Variants in ADAMTS18 observed in about 807,000 individuals in gnomAD.
The protein encoded by ADAMTS18 is ADAM metallopeptidase with thrombospondin type 1 motif 18.
ADAMTS18 carries 157 observed loss-of-function variants against 165.9 expected under a neutral mutation model. The observed-to-expected ratio is 0.95, with a 90% CI of 0.83 to 1.08. ADAMTS18 has a LOEUF of 1.08. Among genes scored for constraint, ADAMTS18 ranks in the 50% least tolerant of loss-of-function variants. The pLI is 0.00. For synonymous variants in ADAMTS18, 782 were observed against 578.2 expected, an observed-to-expected ratio of 1.35 and a Z score of -5.06; for missense variants, 2,040 against 1,534.0, an observed-to-expected ratio of 1.33 and a Z score of -5.51.
At chr16:77,424,932 G>T (rs372864780) in intron 3 of ADAMTS18, among the ~76,000 whole-genome samples, 3 of 152,156 alleles carry the variant, frequency 2.0e-5, no homozygotes, top group Admixed American at 6.5e-5. Flanking sequence ...CTTTCTGCCC[G>T]CCATGGACGA....
At chr16:77,303,829 C>T (rs535438478) in intron 16 of ADAMTS18, among the ~76,000 whole-genome samples, 3 of 152,232 alleles carry the variant, frequency 2.0e-5, no homozygotes, top group Non-Finnish European at 2.9e-5. Flanking sequence ...GTTAGGAGAT[C>T]GAGACCATTC....
chr16:77,434,160 T>C (rs2144874167), intron 2 of ADAMTS18, among the ~76,000 whole-genome samples: 1 of 152,248 alleles, frequency 6.6e-6, no homozygotes, highest in South Asian at 2.1e-4. Flanking sequence ...TTTTTTTTTT[T>C]TTCTTGTTCT....
chr16:77,414,734 A>G (rs2057507857), intron 3 of ADAMTS18, among the ~76,000 whole-genome samples: 1 of 152,236 alleles, frequency 6.6e-6, no homozygotes, highest in Admixed American at 6.5e-5. Flanking sequence ...GATTCATTCA[A>G]ATAAACATCT....
chr16:77,426,384 C>T (rs1026066314), intron 3 of ADAMTS18, among the ~76,000 whole-genome samples: 1 of 152,036 alleles, frequency 6.6e-6, no homozygotes, highest in Non-Finnish European at 1.5e-5. Flanking sequence ...GTTAGGGAAA[C>T]TATAGGTATA....
rs768080394 is a variant in ADAMTS18, at chr16:77,341,622, C to T, written c.1710+82G>A. ...AGAATATAAACTACCAAAGCATTCACCCTAAGGTCACAATACAAACAGTTT... is the reference window on the plus strand; with the variant it reads ...AGAATATAAACTACCAAAGCATTCATCCTAAGGTCACAATACAAACAGTTT... On this transcript the variant is annotated intron_variant, in intron 11 of 22. Coordinates refer to ENST00000282849, the MANE Select transcript of ADAMTS18 (RefSeq NM_199355.4). The T allele has an allele frequency of 7.2e-4, 801 of 1,109,252 alleles. 8 individuals carry two copies. The Middle Eastern group carries it at 0.017, about 23-fold the overall frequency. The allele number at this position is 1,109,252 out of a possible 1,614,324, so 68.7% of individuals were successfully genotyped here. A position where few individuals can be genotyped will look rare whatever the true frequency, so the allele number is the denominator to read the frequency against.
Position 77,434,821 on chromosome 16 carries a change from C to T in ADAMTS18, c.-126G>A, listed in dbSNP as rs986904775. On this transcript the variant is annotated 5_prime_UTR_variant, in exon 1 of 23. Coordinates refer to ENST00000282849, the MANE Select transcript of ADAMTS18 (RefSeq NM_199355.4). ...GTGCGGCTCCAGGTGAGAGCCGCCG[C>T]CGTTCACATCGCAGCGGGGGCGCGC... The T allele has an allele frequency of 1.7e-5, 13 of 750,442 alleles. No homozygotes were observed. Among genetic ancestry groups the T allele is most frequent in the Non-Finnish European group, 2.4e-5 (13 of 541,344 alleles). The allele number at this position is 750,442 out of a possible 1,614,324, so 46.5% of individuals were successfully genotyped here.
intron 16 of ADAMTS18, among the ~76,000 whole-genome samples, chr16:77,304,499 G>A (rs1220454768): frequency 1.3e-5 from 2 of 152,260 alleles, no homozygotes; most frequent in East Asian, 3.9e-4. Flanking sequence ...TTTCTTTGAA[G>A]ATTTCTATTC....
intron 19 of ADAMTS18, 108 bp downstream of exon 19, chr16:77,294,815 A>G (rs1375334431): frequency 1.9e-5 from 21 of 1,081,648 alleles, no homozygotes; most frequent in Admixed American, 1.8e-4. Context: ...ACTCAGGGTG[A>G]TTTCCATGAA....
intron 3 of ADAMTS18, among the ~76,000 whole-genome samples, chr16:77,384,392 A>G (rs2057076245): frequency 6.6e-6 from 1 of 152,222 alleles, no homozygotes; most frequent in Admixed American, 6.5e-5. Flanking sequence ...CCTGTAACAT[A>G]AATCCCTGGC....
At chr16:77,398,769 CT>C (rs975019490) in intron 3 of ADAMTS18, among the ~76,000 whole-genome samples, 2 of 152,114 alleles carry the variant, frequency 1.3e-5, no homozygotes, top group Non-Finnish European at 2.9e-5. Context: ...TGAATACCCC[CT>C]GGGGTACAAA....
intron 3 of ADAMTS18, among the ~76,000 whole-genome samples, chr16:77,379,835 T>C (rs1214520963): frequency 6.6e-6 from 1 of 152,096 alleles, no homozygotes; most frequent in Non-Finnish European, 1.5e-5. Context: ...CCCTTCCCAG[T>C]GAACACCTGA....
chr16:77,415,443 T>G (rs756708000), intron 3 of ADAMTS18, among the ~76,000 whole-genome samples: 3 of 152,196 alleles, frequency 2.0e-5, no homozygotes, highest in Non-Finnish European at 4.4e-5. Context: ...GACCCTACTC[T>G]CAGGGGGCAA....
Position 77,415,081 on chromosome 16 carries a change from T to C in ADAMTS18, c.495+16214A>G, listed in dbSNP as rs2057512749. Among the ~76,000 whole-genome samples the C allele has an allele frequency of 2.6e-5, 4 of 152,350 alleles. No homozygotes were observed. In the South Asian group the frequency reaches 8.3e-4, roughly 32 times the overall value. On this transcript the variant is annotated intron_variant, in intron 3 of 22. Transcript: ENST00000282849. ...CCAGTAATGTATCCAAGATGCACTG[T>C]GAGGAACAAATATTGACAATGCTAG...
At chr16:77,395,178 T>G (rs1390111098) in intron 3 of ADAMTS18, among the ~76,000 whole-genome samples, 1 of 152,152 alleles carries the variant, frequency 6.6e-6, no homozygotes, top group Non-Finnish European at 1.5e-5. Context: ...TGGAAACTCT[T>G]CTTAGGTCTT....
At chr16:77,339,676 A>G (rs927854327) in intron 11 of ADAMTS18, among the ~76,000 whole-genome samples, 1 of 151,868 alleles carries the variant, frequency 6.6e-6, no homozygotes, top group Non-Finnish European at 1.5e-5. Context: ...GGACTTGAGC[A>G]CTATTTATAT....
Position 77,364,210 on chromosome 16 carries a change from T to C in ADAMTS18, c.950A>G (p.Tyr317Cys). 6.2e-7 allele frequency: 1 copy of C among 1,614,132 alleles called. No individual in the cohort carries two copies. Reference protein sequence around the residue: ...EKHGKGNVTTYILTVMNMVSG... With the variant: ...EKHGKGNVTTCILTVMNMVSG... The stretch of plus-strand genomic sequence containing the variant: ...TACCATGTTCATTACTGTGAGAATG[T>C]ATGTGGTGACATTTCCCTTGCCATG... Residue 317 changes from tyrosine (Y) to cysteine (C), a missense_variant, in exon 5 of 23, where the codon TAC (tyrosine) becomes TGC (cysteine). Physicochemically the swap from Tyr to Cys is radical, Grantham distance 194 (BLOSUM62 -2). Coordinates refer to ENST00000282849, the MANE Select transcript of ADAMTS18 (RefSeq NM_199355.4).
chr16:77,432,036 G>T lies in ADAMTS18; in HGVS notation c.179-425C>A, dbSNP rs1223163445. 2.6e-5 allele frequency among the ~76,000 whole-genome samples: 4 copies of T among 152,144 alleles called. No homozygotes were observed. The East Asian group carries it at 7.7e-4, about 29-fold the overall frequency. ...CTACAAAATCGGGAAATTTCTTCAA[G>T]GAGGTTAATTTCTCTGTGCTTAAAC... On this transcript the variant is annotated intron_variant, in intron 2 of 22. Coordinates refer to ENST00000282849, the MANE Select transcript of ADAMTS18 (RefSeq NM_199355.4).
At chr16:77,373,101 TCTC>T (rs2056899246) in intron 3 of ADAMTS18, among the ~76,000 whole-genome samples, 3 of 152,144 alleles carry the variant, frequency 2.0e-5, no homozygotes, top group Admixed American at 2.0e-4. Flanking sequence ...CCTACAGTCT[TCTC>T]CTATCAATTC....
chr16:77,326,006 G>T lies in ADAMTS18; in HGVS notation c.1892C>A (p.Ser631Tyr). ...ATTGCACAGCTGATAAATACGGCTAGAACCTGGACAGAATAAGCCACCATA... is the reference window on the plus strand; with the variant it reads ...ATTGCACAGCTGATAAATACGGCTATAACCTGGACAGAATAAGCCACCATA... ...PQYGGLFCPG[S>Y]SRIYQLCNIN... is the part of the protein sequence containing the mutation. Residue 631 changes from serine to tyrosine, a missense_variant, in exon 13 of 23, where the codon TCT becomes TAT. Transcript: ENST00000282849. The T allele has an allele frequency of 6.2e-7, 1 of 1,613,688 alleles. No individual in the cohort carries two copies. The highest frequency in any genetic ancestry group is 8.5e-7 in the Non-Finnish European group (1 of 1,179,938).
Sources: gnomAD v4.1 joint callset for allele counts (sites outside exome capture counted in the v4.1 genomes callset) on GRCh38, gnomAD v4.1.1 for gene constraint, MANE v1.5 for transcripts, NCBI Gene and HGNC (gene_info 2026-07-23, HGNC 2026-07-21) for gene names.